Variants in TAMM41 observed in about 807,000 individuals in gnomAD.
TAMM41 encodes phosphatidate cytidylyltransferase, mitochondrial.
In TAMM41, 36 loss-of-function variants were observed where a neutral mutation model predicts 44.1. The observed-to-expected ratio is 0.82, with a 90% CI of 0.63 to 1.08. TAMM41 has a LOEUF of 1.08. Among genes scored for constraint, TAMM41 ranks in the 50% least tolerant of loss-of-function variants. TAMM41 has a pLI of 0.00. For missense variants in TAMM41, 417 were observed against 404.3 expected (o/e 1.03, Z -0.27); for synonymous variants, 164 against 153.1 (o/e 1.07, Z -0.53).
At chr3:11,830,335 A>G (rs1255355247) in intron 3 of TAMM41, among the ~76,000 whole-genome samples, 1 of 152,218 alleles carries the variant, frequency 6.6e-6, no homozygotes, top group Non-Finnish European at 1.5e-5. Context: ...GACTAAGGAA[A>G]AATGAAAGAA....
intron 2 of TAMM41, among the ~76,000 whole-genome samples, chr3:11,841,155 T>C (rs940685516): frequency 7.1e-6 from 1 of 140,168 alleles, no homozygotes; most frequent in African/African-American, 2.6e-5. Flanking sequence ...TGATTTTGGC[T>C]CACTACAGCC....
In TAMM41 at chr3:11,829,764, C is replaced by A; in HGVS notation, c.512G>T (p.Ser171Ile). The stretch of plus-strand genomic sequence containing the variant: ...TATGAAGAGGTCTTCTTCAGAAAAG[C>A]TTTCGGGGAGCATGAGGAAAGCAGC... ...VTAAFLMLPE[S>I]FSEEDLFIEI... The change falls in exon 4 of 8, where the codon AGC becomes ATC. Residue 171 changes from serine (S) to isoleucine (I), a missense_variant. Transcript: ENST00000455809. 1 of 1,614,206 alleles carries A rather than the reference C, an allele frequency of 6.2e-7. No individual in the cohort carries two copies. Among genetic ancestry groups the A allele is most frequent in the African/African-American group, 1.3e-5 (1 of 75,044 alleles).
chr3:11,735,219 A>G, the TAMM41 span, among the ~76,000 whole-genome samples: 2 of 151,554 alleles, frequency 1.3e-5, no homozygotes, highest in Non-Finnish European at 2.9e-5. Context: ...TCAGCCAGGC[A>G]TGGTGGTGCA....
chr3:11,815,441 C>A (rs1053647803), intron 5 of TAMM41, among the ~76,000 whole-genome samples: 1 of 152,028 alleles, frequency 6.6e-6, no homozygotes, highest in African/African-American at 2.4e-5. Flanking sequence ...ACGGATCTGT[C>A]AAGAGTTTGA....
At chr3:11,814,449 A>C (rs1369198070) in intron 5 of TAMM41, among the ~76,000 whole-genome samples, 3 of 152,092 alleles carry the variant, frequency 2.0e-5, no homozygotes, top group African/African-American at 7.2e-5. Flanking sequence ...GAAGTGTTAG[A>C]AAACCAATCA....
intron 4 of TAMM41, among the ~76,000 whole-genome samples, chr3:11,822,776 C>A (rs1190867992): frequency 6.6e-6 from 1 of 152,172 alleles, no homozygotes; most frequent in Admixed American, 6.5e-5. Flanking sequence ...TTTTATTTAT[C>A]CATTTCTCAG....
At chr3:11,837,766 G>A (rs2079245540) in intron 3 of TAMM41, among the ~76,000 whole-genome samples, 1 of 152,314 alleles carries the variant, frequency 6.6e-6, no homozygotes, top group Non-Finnish European at 1.5e-5. Flanking sequence ...CAGACAAGGT[G>A]ACTGGGTGGT....
chr3:11,756,601 C>T, the TAMM41 span, among the ~76,000 whole-genome samples: 1 of 152,286 alleles, frequency 6.6e-6, no homozygotes, highest in African/African-American at 2.4e-5. Flanking sequence ...TGTGGTGGCT[C>T]ATGCCTGTAA....
intron 4 of TAMM41, among the ~76,000 whole-genome samples, chr3:11,822,040 C>T (rs2078544387): frequency 6.6e-6 from 1 of 152,130 alleles, no homozygotes; most frequent in South Asian, 2.1e-4. Flanking sequence ...CGTGTTTAGA[C>T]CTGGGCCGTC....
intron 7 of TAMM41, among the ~76,000 whole-genome samples, chr3:11,797,750 C>T (rs1049615384): frequency 2.0e-5 from 3 of 152,086 alleles, no homozygotes; most frequent in Non-Finnish European, 2.9e-5. Context: ...AGGCATCTGA[C>T]AAAGGCTTTA....
the TAMM41 span, chr3:11,721,953 G>C: frequency 6.6e-6 from 1 of 152,216 alleles, no homozygotes; most frequent in Non-Finnish European, 1.5e-5. Context: ...AGAGGAAAAT[G>C]AAATGCCCAG....
downstream of TAMM41, among the ~76,000 whole-genome samples, chr3:11,786,283 AATT>A (rs772035737): frequency 9.0e-4 from 114 of 126,442 alleles, no homozygotes; most frequent in African/African-American, 3.0e-3. Context: ...TTATTTATTT[AATT>A]TTATTATTAT....
chr3:11,776,883 A>T, the TAMM41 span, among the ~76,000 whole-genome samples: 1 of 152,360 alleles, frequency 6.6e-6, no homozygotes, highest in Non-Finnish European at 1.5e-5. Flanking sequence ...CATTATGCTT[A>T]GTAAAATAAA....
At chr3:11,738,733 C>G in the TAMM41 span, among the ~76,000 whole-genome samples, 1 of 152,202 alleles carries the variant, frequency 6.6e-6, no homozygotes, top group Admixed American at 6.5e-5. Context: ...ATTCCTCATA[C>G]CTGTGGTTCT....
chr3:11,733,548 A>AGT, the TAMM41 span, among the ~76,000 whole-genome samples: 1 of 150,550 alleles, frequency 6.6e-6, no homozygotes, highest in Non-Finnish European at 1.5e-5. Context: ...GCTGGAGTGC[A>AGT]GTGGCACCAT....
Position 11,844,093 on chromosome 3 carries a change from G to C in TAMM41, c.254C>G (p.Thr85Arg), listed in dbSNP as rs371600066. 8.7e-6 allele frequency: 14 copies of C among 1,614,192 alleles called. No homozygotes were observed. In the South Asian group the frequency reaches 1.3e-4, roughly 15 times the overall value. ...AGCGCCATAGTTATTCTGGATGGAC[G>C]TGATAATCTTGGGCCCTAAAACTTT... ...FLKVLGPKII[T>R]SIQNNYGAGV... Residue 85 changes from threonine (T) to arginine (R), a missense_variant, in exon 2 of 8, where the codon ACG becomes AGG. By Grantham distance (71) the Thr-to-Arg change is moderately conservative. Coordinates refer to ENST00000455809, the MANE Select transcript of TAMM41 (RefSeq NM_001284401.2).
the TAMM41 span, among the ~76,000 whole-genome samples, chr3:11,745,777 T>G: frequency 2.0e-5 from 3 of 152,118 alleles, no homozygotes; most frequent in Non-Finnish European, 4.4e-5. Context: ...CATAGCTGTG[T>G]GAATGTATTT....
intron 2 of TAMM41, among the ~76,000 whole-genome samples, chr3:11,840,387 C>T (rs889192740): frequency 1.3e-5 from 2 of 151,990 alleles, no homozygotes; most frequent in Admixed American, 6.6e-5. Context: ...CACGCGGTAC[C>T]ACATCTGGCT....
chr3:11,753,732 G>A, the TAMM41 span, among the ~76,000 whole-genome samples: 35,783 of 150,208 alleles, frequency 0.24, 4,320 homozygotes, highest in Non-Finnish European at 0.28. Flanking sequence ...GCAAGACTCC[G>A]TCTCAAAAAA....
Sources: gnomAD v4.1 joint callset for allele counts (sites outside exome capture counted in the v4.1 genomes callset) on GRCh38, gnomAD v4.1.1 for gene constraint, MANE v1.5 for transcripts, NCBI Gene and HGNC (gene_info 2026-07-23, HGNC 2026-07-21) for gene names.